Variants in NRP1 observed in about 807,000 individuals in gnomAD.
NRP1 encodes the protein neuropilin 1.
Under a neutral mutation model 106.7 loss-of-function variants are expected in NRP1, and 35 were observed. The observed-to-expected ratio is 0.33, with a 90% CI of 0.25 to 0.43. The LOEUF is 0.43. Among genes scored for constraint, NRP1 ranks in the 20% least tolerant of loss-of-function variants. NRP1 has a pLI of 1.00. For missense variants in NRP1, 1,024 were observed against 1,170.4 expected (o/e 0.87, Z 1.83); for synonymous variants, 437 against 417.9 (o/e 1.05, Z -0.56).
intron 11 of NRP1, among the ~76,000 whole-genome samples, chr10:33,198,981 AG>A (rs1189670395): frequency 1.3e-5 from 2 of 152,180 alleles, no homozygotes; most frequent in Non-Finnish European, 2.9e-5. Flanking sequence ...GTCAGGGGAC[AG>A]GCTGTAACCT....
At chr10:33,279,885 A>C (rs1843986259) in intron 2 of NRP1, among the ~76,000 whole-genome samples, 1 of 152,180 alleles carries the variant, frequency 6.6e-6, no homozygotes. Context: ...GGCTATTTCA[A>C]TGTCCTCTCA....
Position 33,180,113 on chromosome 10 carries a change from T to C in NRP1, c.2735A>G (p.Asp912Gly), listed in dbSNP as rs1394130158. ...ELVDGVKLKK[D>G]KLNTQSTYSE... ...ATAAGTACTCTGTGTATTCAGTTTG[T>C]CTTTTTTCAACTTCACACCATCCAC... The change falls in exon 17 of 17, where the codon GAC (aspartate) becomes GGC (glycine). Residue 912 changes from aspartate to glycine, a missense_variant. By Grantham distance (94) the Asp-to-Gly change is moderately conservative (BLOSUM62 -1). Coordinates refer to ENST00000374867, the MANE Select transcript of NRP1 (RefSeq NM_003873.7). The C allele has an allele frequency of 6.2e-7, 1 of 1,614,210 alleles. No homozygotes were observed. The highest frequency in any genetic ancestry group is 8.5e-7 in the Non-Finnish European group (1 of 1,180,040).
Position 33,319,554 on chromosome 10 carries a change from G to A in NRP1, c.248+11154C>T, listed in dbSNP as rs574730088. 6.7e-5 allele frequency among the ~76,000 whole-genome samples: 10 copies of A among 150,132 alleles called. No homozygotes were observed. The East Asian group carries it at 1.8e-3, about 27-fold the overall frequency. On this transcript the variant is annotated intron_variant, in intron 2 of 16. Coordinates refer to ENST00000374867, the MANE Select transcript of NRP1 (RefSeq NM_003873.7). ...TTGCTGGTGCTCACTCTTTGCGGTG[G>A]TGCCATCTTTTTTTTTTCTTTCTTT...
At chr10:33,317,181 TGA>T (rs1211994353) in intron 2 of NRP1, among the ~76,000 whole-genome samples, 1 of 152,282 alleles carries the variant, frequency 6.6e-6, no homozygotes, top group East Asian at 1.9e-4. Context: ...GAAGAAGCGT[TGA>T]GAGTGCTTTT....
chr10:33,187,314 G>A (rs1319074538), intron 13 of NRP1, among the ~76,000 whole-genome samples: 4 of 152,178 alleles, frequency 2.6e-5, no homozygotes, highest in Non-Finnish European at 5.9e-5. Flanking sequence ...CTGTCACTAT[G>A]ACTGCTTGAT....
intron 15 of NRP1, among the ~76,000 whole-genome samples, chr10:33,184,482 C>T (rs918059963): frequency 6.6e-6 from 1 of 152,200 alleles, no homozygotes; most frequent in African/African-American, 2.4e-5. Context: ...CAAAACATCA[C>T]CATCATCACT....
intron 2 of NRP1, among the ~76,000 whole-genome samples, chr10:33,326,031 G>A (rs1847869180): frequency 1.3e-5 from 2 of 152,118 alleles, no homozygotes; most frequent in African/African-American, 4.8e-5. Flanking sequence ...TTTCCTTAAT[G>A]TTTTTAACCC....
At chr10:33,260,981 T>G (rs1842530938) in intron 4 of NRP1, among the ~76,000 whole-genome samples, 1 of 87,606 alleles carries the variant, frequency 1.1e-5, no homozygotes, top group African/African-American at 4.6e-5. Flanking sequence ...CTAGTGCCAT[T>G]GACCAAAAAA....
At chr10:33,222,485 G>C (rs1019388130) in intron 7 of NRP1, among the ~76,000 whole-genome samples, 1 of 150,092 alleles carries the variant, frequency 6.7e-6, no homozygotes, top group African/African-American at 2.4e-5. Flanking sequence ...TTTTTCCAGG[G>C]CTTGTGCGTC....
chr10:33,228,369 C>A (rs1429971806), intron 6 of NRP1, among the ~76,000 whole-genome samples: 1 of 152,052 alleles, frequency 6.6e-6, no homozygotes, highest in African/African-American at 2.4e-5. Context: ...GAGAGAAACT[C>A]TGACTCGAAA....
intron 13 of NRP1, among the ~76,000 whole-genome samples, chr10:33,187,292 T>C (rs1836074818): frequency 6.6e-6 from 1 of 152,248 alleles, no homozygotes; most frequent in South Asian, 2.1e-4. Flanking sequence ...GGACTTCTGA[T>C]TAATGAAATT....
intron 6 of NRP1, among the ~76,000 whole-genome samples, chr10:33,243,112 C>G (rs147646858): frequency 2.0e-3 from 308 of 152,208 alleles, no homozygotes; most frequent in Admixed American, 3.1e-3. Flanking sequence ...GTGGGCTGCA[C>G]TTTCTTACAA....
At chr10:33,254,644 G>A (rs969843310) in intron 5 of NRP1, among the ~76,000 whole-genome samples, 3 of 152,110 alleles carry the variant, frequency 2.0e-5, no homozygotes, top group Admixed American at 2.0e-4. Context: ...CTCAATGGAT[G>A]GTAGAACTTA....
chr10:33,200,448 C>T (rs755588292), intron 11 of NRP1, among the ~76,000 whole-genome samples: 74 of 152,154 alleles, frequency 4.9e-4, no homozygotes, highest in Admixed American at 1.6e-3. Context: ...TTGTAAGTAA[C>T]GAGCATTTCA....
At chr10:33,202,570 G>A (rs755174023) in intron 11 of NRP1, 3 of 1,411,322 alleles carry the variant, frequency 2.1e-6, no homozygotes, top group Middle Eastern at 2.4e-4. Flanking sequence ...GTGTTATTGG[G>A]GGGGGGTCTG....
intron 6 of NRP1, among the ~76,000 whole-genome samples, chr10:33,238,115 T>C (rs1272790598): frequency 1.3e-5 from 2 of 152,220 alleles, no homozygotes; most frequent in African/African-American, 4.8e-5. Context: ...CTAAAATGTG[T>C]GGCTTCACTG....
chr10:33,180,493 A>C, intron 16 of NRP1, 128 bp from the exon 17 acceptor site: 8 of 906,916 alleles, frequency 8.8e-6, no homozygotes, highest in Non-Finnish European at 1.3e-5. Context: ...TATCTGACTC[A>C]TTGTTGGGAA....
intron 2 of NRP1, among the ~76,000 whole-genome samples, chr10:33,316,865 C>T (rs1390969123): frequency 6.6e-6 from 1 of 152,192 alleles, no homozygotes; most frequent in Non-Finnish European, 1.5e-5. Flanking sequence ...GGGAATGTTA[C>T]GCTGAAGTTA....
chr10:33,191,423 G>T (rs528257667), intron 13 of NRP1, among the ~76,000 whole-genome samples: 1 of 152,138 alleles, frequency 6.6e-6, no homozygotes, highest in Non-Finnish European at 1.5e-5. Flanking sequence ...ATTCCACACC[G>T]TCTTTCCCCA....
Sources: allele counts gnomAD v4.1 joint callset (sites outside exome capture counted in the v4.1 genomes callset), GRCh38; gene constraint gnomAD v4.1.1; transcripts MANE v1.5; gene names NCBI Gene and HGNC (gene_info 2026-07-23, HGNC 2026-07-21).